The following MTUS2 variants were observed in gnomAD, a reference collection of about 807,000 sequenced individuals.
The protein encoded by MTUS2 is microtubule associated scaffold protein 2.
MTUS2 carries 40 observed loss-of-function variants against 114.1 expected under a neutral mutation model. The ratio of observed to expected loss-of-function variants is 0.35; its 90% CI spans 0.27 to 0.46. The LOEUF is 0.46. Ranked by LOEUF, MTUS2 falls within the 20% of genes least tolerant of loss-of-function variation. MTUS2 has a pLI of 1.00. For synonymous variants in MTUS2, 688 were observed against 672.0 expected (o/e 1.02, Z -0.37); for missense variants, 1,679 against 1,705.4 (o/e 0.98, Z 0.27).
chr13:29,106,160 G>C (rs886247493), intron 5 of MTUS2, among the ~76,000 whole-genome samples: 3 of 152,110 alleles, frequency 2.0e-5, no homozygotes, highest in Non-Finnish European at 1.5e-5. Flanking sequence ...TGTCCCTCTA[G>C]AACTACTCAC....
intron 5 of MTUS2, among the ~76,000 whole-genome samples, chr13:29,164,308 T>A (rs1893225633): frequency 1.3e-5 from 2 of 152,214 alleles, no homozygotes; most frequent in South Asian, 4.1e-4. Context: ...TGGCACGATT[T>A]TTGCGGTCTG....
At chr13:28,891,858 C>CAAAAAA (rs1169875500) in intron 2 of MTUS2, among the ~76,000 whole-genome samples, 4 of 52,178 alleles carry the variant, frequency 7.7e-5, no homozygotes, top group East Asian at 1.3e-3. Context: ...GACTCTGTCT[C>CAAAAAA]AAAAAAAAAA....
At chr13:29,196,098 ATT>A (rs10708933) in intron 5 of MTUS2, among the ~76,000 whole-genome samples, 82 of 143,788 alleles carry the variant, frequency 5.7e-4, no homozygotes, top group African/African-American at 9.2e-4. Flanking sequence ...ACTACTGCAG[ATT>A]TTTTTTTTTT....
intron 2 of MTUS2, among the ~76,000 whole-genome samples, chr13:28,862,872 A>G (rs1394838891): frequency 1.3e-5 from 2 of 152,246 alleles, no homozygotes; most frequent in African/African-American, 4.8e-5. Flanking sequence ...GAAGAAATAC[A>G]TCATAATAGA....
chr13:29,134,377 A>T (rs1410561724), intron 5 of MTUS2, among the ~76,000 whole-genome samples: 3 of 138,588 alleles, frequency 2.2e-5, no homozygotes, highest in Non-Finnish European at 1.6e-5. Context: ...ACTCTGTATA[A>T]ATCTAATTGG....
In MTUS2 at chr13:29,105,922, A is replaced by C. The variant is rs566303213; in HGVS notation, c.2644+4952A>C. Among the ~76,000 whole-genome samples the C allele has an allele frequency of 7.9e-5, 12 of 152,258 alleles. No individual in the cohort carries two copies. The East Asian group carries it at 2.3e-3, about 29-fold the overall frequency. Reference sequence around the variant, plus strand: ...GGTAGGGGAGCGGTGCTGTTGGTGCATTCAGAAAACTTCCTGAATCTGAGG... The same window carrying C: ...GGTAGGGGAGCGGTGCTGTTGGTGCCTTCAGAAAACTTCCTGAATCTGAGG... On this transcript the variant is annotated intron_variant, in intron 5 of 15. Coordinates refer to ENST00000612955, the MANE Select transcript of MTUS2 (RefSeq NM_001033602.4).
intron 2 of MTUS2, among the ~76,000 whole-genome samples, chr13:28,945,130 T>A (rs1333360759): frequency 6.6e-6 from 1 of 152,028 alleles, no homozygotes; most frequent in East Asian, 1.9e-4. Context: ...GTTCCATCCA[T>A]GTTGTAAAAG....
intron 5 of MTUS2, among the ~76,000 whole-genome samples, chr13:29,220,422 T>C (rs1001343036): frequency 6.6e-6 from 1 of 152,266 alleles, no homozygotes; most frequent in African/African-American, 2.4e-5. Context: ...CTCACTAAGC[T>C]GAATCATTTC....
At chr13:29,363,871 A>G (rs1227165545) in intron 8 of MTUS2, among the ~76,000 whole-genome samples, 1 of 152,142 alleles carries the variant, frequency 6.6e-6, no homozygotes, top group Non-Finnish European at 1.5e-5. Flanking sequence ...CTGGGCACTT[A>G]ACAGGCATTA....
chr13:29,207,998 T>C (rs1895264024), intron 5 of MTUS2, among the ~76,000 whole-genome samples: 1 of 152,174 alleles, frequency 6.6e-6, no homozygotes, highest in Admixed American at 6.5e-5. Context: ...GTCAATAGGA[T>C]TGGTACCAAT....
intron 8 of MTUS2, among the ~76,000 whole-genome samples, chr13:29,418,427 G>A (rs1028950460): frequency 1.3e-5 from 2 of 152,100 alleles, no homozygotes; most frequent in African/African-American, 4.8e-5. Context: ...GTTAGACTTT[G>A]TTCACTTGAC....
rs1185308462 is a variant in MTUS2 at position 29,480,322 on chromosome 13, C to T, written c.3357C>T (p.His1119=). The T allele has an allele frequency of 1.5e-5, 23 of 1,552,114 alleles. No individual in the cohort carries two copies. The highest frequency in any genetic ancestry group is 7.2e-5 in the South Asian group (6 of 83,712). Residue 1119 remains histidine, a synonymous_variant, in exon 10 of 16, where the codon CAC becomes CAT. Transcript: ENST00000612955. This position sits in a 1 kb window ranked among gnomAD's most constrained non-coding sequence, Gnocchi z 4.4. ...EAEMARLQEE[H]GDQLLSIRCQ... Reference sequence around the variant, plus strand: ...AAATGGCGCGCCTGCAGGAGGAGCACGGTGACCAGCTGCTGAGCATCCGGT... The same window carrying T: ...AAATGGCGCGCCTGCAGGAGGAGCATGGTGACCAGCTGCTGAGCATCCGGT...
intron 4 of MTUS2, among the ~76,000 whole-genome samples, chr13:29,090,418 G>A (rs574150074): frequency 9.9e-5 from 15 of 152,270 alleles, no homozygotes; most frequent in African/African-American, 2.9e-4. Flanking sequence ...TGCTGGGGTC[G>A]TGGGGGCTGC....
intron 6 of MTUS2, among the ~76,000 whole-genome samples, chr13:29,290,043 A>G (rs995076535): frequency 6.6e-6 from 1 of 152,228 alleles, no homozygotes; most frequent in South Asian, 2.1e-4. Context: ...CCATGTTGCC[A>G]TGAAGAACTT....
rs557283921 is a variant in MTUS2 at position 29,035,493 on chromosome 13, T to C, written c.2446+1368T>C. ...TGGCTTGGCCTGGTCACTTGGCCGA[T>C]TGCAGGCAGCAGGCCCTTTCCCTTG... On this transcript the variant is annotated intron_variant, in intron 4 of 15. Coordinates refer to ENST00000612955, the MANE Select transcript of MTUS2 (RefSeq NM_001033602.4). Among the ~76,000 whole-genome samples the C allele has an allele frequency of 2.6e-5, 4 of 152,314 alleles. No individual in the cohort carries two copies. In the East Asian group the frequency reaches 7.7e-4, roughly 29 times the overall value.
At chr13:28,914,841 C>G (rs1880657348) in intron 2 of MTUS2, among the ~76,000 whole-genome samples, 1 of 151,916 alleles carries the variant, frequency 6.6e-6, no homozygotes. Context: ...ATGTAATCCC[C>G]TTCTTGGTCT....
chr13:28,922,579 C>T (rs1457517790), intron 2 of MTUS2, among the ~76,000 whole-genome samples: 1 of 152,146 alleles, frequency 6.6e-6, no homozygotes, highest in Non-Finnish European at 1.5e-5. Flanking sequence ...GCTGGGTGCG[C>T]TCCTGTTATG....
At chr13:28,970,101 G>GT (rs1272111389) in intron 2 of MTUS2, among the ~76,000 whole-genome samples, 1 of 152,166 alleles carries the variant, frequency 6.6e-6, no homozygotes, top group African/African-American at 2.4e-5. Flanking sequence ...ATATGTTATT[G>GT]TTAACTATAG....
At chr13:29,461,506 G>A (rs914808929) in intron 9 of MTUS2, among the ~76,000 whole-genome samples, 1 of 152,168 alleles carries the variant, frequency 6.6e-6, no homozygotes, top group African/African-American at 2.4e-5. Flanking sequence ...CACATATACA[G>A]ACAAAGTGCA....
Sources: gnomAD v4.1 joint callset for allele counts (sites outside exome capture counted in the v4.1 genomes callset) on GRCh38, gnomAD v4.1.1 for gene constraint, Gnocchi (gnomAD v3.1) non-coding constraint, MANE v1.5 for transcripts, NCBI Gene and HGNC (gene_info 2026-07-23, HGNC 2026-07-21) for gene names.